The following FBXW8 variants were observed in gnomAD, a reference collection of about 807,000 sequenced individuals.
The protein encoded by FBXW8 is F-box and WD repeat domain containing 8, also known as F-box/WD repeat-containing protein 8.
A neutral mutation model predicts 65.3 loss-of-function variants in FBXW8; 57 were observed. The ratio of observed to expected loss-of-function variants is 0.87; its 90% CI spans 0.71 to 1.09. The LOEUF is 1.09. Ranked by LOEUF, FBXW8 falls within the 50% of genes least tolerant of loss-of-function variation. FBXW8 has a pLI of 0.00. For synonymous variants in FBXW8, 308 were observed against 330.2 expected (o/e 0.93, Z 0.73); for missense variants, 777 against 814.8 (o/e 0.95, Z 0.57).
intron 4 of FBXW8, among the ~76,000 whole-genome samples, chr12:116,956,277 A>G (rs1883642370): frequency 6.6e-6 from 1 of 152,046 alleles, no homozygotes; most frequent in African/African-American, 2.4e-5. Context: ...GGTTGGAAGG[A>G]GAACTGTATC....
intron 3 of FBXW8, among the ~76,000 whole-genome samples, chr12:116,947,790 C>T (rs1883032812): frequency 6.7e-6 from 1 of 150,270 alleles, no homozygotes; most frequent in South Asian, 2.1e-4. Context: ...AGTGTTGGGG[C>T]AAGTTGCTTT....
chr12:116,911,854 C>A (rs182618440), intron 1 of FBXW8, among the ~76,000 whole-genome samples: 2 of 152,012 alleles, frequency 1.3e-5, no homozygotes, highest in East Asian at 1.9e-4. Context: ...TTTTTGTAAC[C>A]GTGCACGTAT....
At chr12:116,998,551 T>C (rs1953436296) in intron 7 of FBXW8, among the ~76,000 whole-genome samples, 1 of 152,252 alleles carries the variant, frequency 6.6e-6, no homozygotes, top group Non-Finnish European at 1.5e-5. Flanking sequence ...GAGAATGAAC[T>C]TAGCGCTAAC....
chr12:116,945,671 T>A lies in FBXW8; in HGVS notation c.588+143T>A, dbSNP rs372808387. ...AGCCTCCCCTTCAGCTGTTGGTGAC[T>A]TGTTGCCCATTTTGTTCACCATTAG... is the stretch of plus-strand genomic sequence containing the variant. On this transcript the variant is annotated intron_variant, in intron 3 of 10. Coordinates refer to ENST00000652555, the MANE Select transcript of FBXW8 (RefSeq NM_153348.3). 878 of 716,616 alleles carry A rather than the reference T, an allele frequency of 1.2e-3. 15 individuals carry two copies. The highest frequency in any genetic ancestry group is 0.011 in the South Asian group (543 of 49,594). 44.4% of individuals were successfully genotyped at this position (716,616 alleles called of 1,614,324 possible).
intron 4 of FBXW8, among the ~76,000 whole-genome samples, chr12:116,962,359 T>C (rs558978593): frequency 2.6e-5 from 4 of 152,352 alleles, no homozygotes; most frequent in East Asian, 1.9e-4. Flanking sequence ...AGTACCTTTT[T>C]CCCAAGCTTT....
intron 2 of FBXW8, among the ~76,000 whole-genome samples, chr12:116,939,205 A>C (rs986111111): frequency 6.6e-6 from 1 of 152,194 alleles, no homozygotes; most frequent in Non-Finnish European, 1.5e-5. Flanking sequence ...CCCAAATCCC[A>C]AATGCTCCAA....
At chr12:117,018,381 G>C (rs1193647141) in intron 8 of FBXW8, among the ~76,000 whole-genome samples, 2 of 152,216 alleles carry the variant, frequency 1.3e-5, no homozygotes, top group African/African-American at 4.8e-5. Flanking sequence ...CCTGGAATCG[G>C]TTGTCTTGGC....
intron 2 of FBXW8, among the ~76,000 whole-genome samples, chr12:116,942,765 C>T (rs1882685228): frequency 7.5e-6 from 1 of 133,580 alleles, no homozygotes. Flanking sequence ...AACTCCAGAG[C>T]TTCTATTTTT....
In FBXW8 at chr12:116,911,271, C is replaced by G; in HGVS notation, c.234C>G (p.Asp78Glu). ...GGGCGACTCGGGCCGAGGGGCAGGA[C>G]GTAGCGAGCCGCTCACGTTCTCCTC... ...AARATRAEGQ[D>E]VASRSRSPLA... The change falls in exon 1 of 11, where the codon GAC becomes GAG. Residue 78 changes from aspartate to glutamate, a missense_variant. Coordinates refer to ENST00000652555, the MANE Select transcript of FBXW8 (RefSeq NM_153348.3). 8.0e-7 allele frequency: 1 copy of G among 1,257,438 alleles called. No homozygotes were observed. The highest frequency in any genetic ancestry group is 1.0e-6 in the Non-Finnish European group (1 of 1,004,092). The allele number at this position is 1,257,438 out of a possible 1,614,324, so 77.9% of individuals were successfully genotyped here.
At chr12:117,019,515 G>A (rs1954036923) in intron 8 of FBXW8, among the ~76,000 whole-genome samples, 1 of 152,178 alleles carries the variant, frequency 6.6e-6, no homozygotes, top group Non-Finnish European at 1.5e-5. Flanking sequence ...TCAGTTACAT[G>A]GCCTAGCAGG....
At chr12:116,975,434 C>T (rs1423729937) in intron 5 of FBXW8, among the ~76,000 whole-genome samples, 1 of 152,174 alleles carries the variant, frequency 6.6e-6, no homozygotes, top group Non-Finnish European at 1.5e-5. Context: ...CAGGCACTGT[C>T]GTCATGACCT....
At chr12:116,937,633 C>T (rs1380726985) in intron 2 of FBXW8, among the ~76,000 whole-genome samples, 1 of 152,096 alleles carries the variant, frequency 6.6e-6, no homozygotes, top group Non-Finnish European at 1.5e-5. Flanking sequence ...TGACCAGGGT[C>T]AGTGGTGTGT....
At chr12:116,946,235 T>G (rs1456289211) in intron 3 of FBXW8, among the ~76,000 whole-genome samples, 1 of 152,160 alleles carries the variant, frequency 6.6e-6, no homozygotes, top group Non-Finnish European at 1.5e-5. Flanking sequence ...CTAATAGACT[T>G]TGAGATTAAC....
intron 1 of FBXW8, 105 bp from the exon 2 acceptor site, chr12:116,927,918 C>G: frequency 1.5e-6 from 1 of 671,102 alleles, no homozygotes; most frequent in South Asian, 2.0e-5. Context: ...CCTCATCTAT[C>G]TTGTTACCAC....
At chr12:116,984,171 A>G (rs1885508346) in intron 5 of FBXW8, among the ~76,000 whole-genome samples, 1 of 152,270 alleles carries the variant, frequency 6.6e-6, no homozygotes, top group Non-Finnish European at 1.5e-5. Flanking sequence ...TGAGGAAAGA[A>G]GAATCAATGA....
At chr12:116,933,571 A>G (rs1019928098) in intron 2 of FBXW8, among the ~76,000 whole-genome samples, 5 of 152,210 alleles carry the variant, frequency 3.3e-5, no homozygotes, top group Admixed American at 6.5e-5. Flanking sequence ...TCTTCCCTCT[A>G]TGGCCAGTTG....
At chr12:116,972,621 G>C (rs1486419039) in intron 5 of FBXW8, among the ~76,000 whole-genome samples, 1 of 152,126 alleles carries the variant, frequency 6.6e-6, no homozygotes, top group East Asian at 1.9e-4. Context: ...GGCATACAGG[G>C]AGACTGAGGA....
chr12:116,929,438 T>C (rs2137311945), intron 2 of FBXW8, among the ~76,000 whole-genome samples: 1 of 151,224 alleles, frequency 6.6e-6, no homozygotes, highest in East Asian at 2.0e-4. Context: ...TTTTGTCATG[T>C]TGGCCAGGCT....
intron 1 of FBXW8, among the ~76,000 whole-genome samples, chr12:116,926,458 C>G (rs757681466): frequency 1.3e-5 from 2 of 152,164 alleles, no homozygotes; most frequent in Non-Finnish European, 2.9e-5. Flanking sequence ...AGCAGTGACT[C>G]CCTCCAGTGT....
Sources: gnomAD v4.1 joint callset for allele counts (sites outside exome capture counted in the v4.1 genomes callset) on GRCh38, gnomAD v4.1.1 for gene constraint, MANE v1.5 for transcripts, NCBI Gene and HGNC (gene_info 2026-07-23, HGNC 2026-07-21) for gene names.